FBXO36: variants seen among roughly 807,000 people sequenced by gnomAD.
FBXO36 encodes the protein F-box protein 36, also known as F-box only protein 36.
FBXO36 carries 18 observed loss-of-function variants against 17.0 expected under a neutral mutation model. That is an observed-to-expected ratio of 1.06 (90% CI 0.73 to 1.57). FBXO36 has a LOEUF of 1.57. Among genes scored for constraint, FBXO36 ranks in the 40% most tolerant of loss-of-function variants. The pLI is 0.00. For missense variants in FBXO36, 229 were observed against 221.9 expected, an observed-to-expected ratio of 1.03 and a Z score of -0.20; for synonymous variants, 83 against 85.3, an observed-to-expected ratio of 0.97 and a Z score of 0.15.
chr2:230,000,851 CTTTTTTTTTTT>C (rs71049612), intron 3 of FBXO36, among the ~76,000 whole-genome samples: 1 of 89,488 alleles, frequency 1.1e-5, no homozygotes, highest in Non-Finnish European at 2.3e-5. Context: ...AACCACTTTT[CTTTTTTTTTTT>C]TTTTTTTTTT....
chr2:229,954,991 G>A (rs915986464), intron 1 of FBXO36, among the ~76,000 whole-genome samples: 6 of 151,300 alleles, frequency 4.0e-5, no homozygotes, highest in South Asian at 2.1e-4. Flanking sequence ...CTGGGACTAC[G>A]GACATGCGCC....
In FBXO36 at chr2:229,993,281, A is replaced by G. The variant is rs567062295; in HGVS notation, c.206-3470A>G. Among the ~76,000 whole-genome samples, 48 of 152,198 alleles carry G rather than the reference A, an allele frequency of 3.2e-4. 1 individual carries two copies. The highest frequency in any genetic ancestry group is 6.2e-4 in the Non-Finnish European group (42 of 68,028). On this transcript the variant is annotated intron_variant, in intron 2 of 3. Coordinates refer to ENST00000283946, the MANE Select transcript of FBXO36 (RefSeq NM_174899.5). ...CCTCCCAATCCTAACGAGAGTAACTAAGATCTGAATAGGAAACACTGGTCA... is the reference window on the plus strand; with the variant it reads ...CCTCCCAATCCTAACGAGAGTAACTGAGATCTGAATAGGAAACACTGGTCA...
chr2:229,977,418 A>G (rs548442270), intron 2 of FBXO36, among the ~76,000 whole-genome samples: 1 of 152,244 alleles, frequency 6.6e-6, no homozygotes, highest in East Asian at 1.9e-4. Context: ...AAAAATTCAA[A>G]CATAAAAAGC....
chr2:229,950,355 G>T (rs1424707006), intron 1 of FBXO36, among the ~76,000 whole-genome samples: 1 of 152,062 alleles, frequency 6.6e-6, no homozygotes, highest in Non-Finnish European at 1.5e-5. Flanking sequence ...GAACCCAGGA[G>T]GCAGAGGTTG....
At chr2:229,952,211 T>G (rs1223701910) in intron 1 of FBXO36, among the ~76,000 whole-genome samples, 1 of 152,204 alleles carries the variant, frequency 6.6e-6, no homozygotes, top group Non-Finnish European at 1.5e-5. Flanking sequence ...CCCTTGAATT[T>G]TCTCCTCTTC....
intron 2 of FBXO36, among the ~76,000 whole-genome samples, chr2:229,991,241 T>C (rs981529958): frequency 6.6e-6 from 1 of 152,146 alleles, no homozygotes; most frequent in Non-Finnish European, 1.5e-5. Context: ...TGGCCTAATA[T>C]CTTCTTTGAC....
intron 2 of FBXO36, among the ~76,000 whole-genome samples, chr2:229,987,368 T>C (rs1317319669): frequency 1.3e-5 from 2 of 152,166 alleles, no homozygotes; most frequent in Non-Finnish European, 2.9e-5. Context: ...CTGTAGTGTG[T>C]TCTCTTTTTC....
intron 1 of FBXO36, among the ~76,000 whole-genome samples, chr2:229,948,933 A>G (rs1266941610): frequency 2.6e-5 from 4 of 152,110 alleles, no homozygotes; most frequent in African/African-American, 9.7e-5. Flanking sequence ...TCCCGAGTTC[A>G]ACTGATTATC....
intron 2 of FBXO36, among the ~76,000 whole-genome samples, chr2:229,981,585 C>A (rs1485359501): frequency 6.6e-6 from 1 of 151,374 alleles, no homozygotes; most frequent in Non-Finnish European, 1.5e-5. Flanking sequence ...GCCTGCCTGC[C>A]CAGTTACTCA....
chr2:229,976,570 C>G, intron 2 of FBXO36: 1 of 377,778 alleles, frequency 2.6e-6, no homozygotes, highest in Non-Finnish European at 4.8e-6. Context: ...CCTGTAATCC[C>G]AACACTTTGG....
chr2:229,923,932 G>A (rs2076882303), intron 1 of FBXO36, among the ~76,000 whole-genome samples: 1 of 134,254 alleles, frequency 7.4e-6, no homozygotes, highest in Non-Finnish European at 1.5e-5. Context: ...GGCTCACTGC[G>A]ACCTCGTTTC....
intron 1 of FBXO36, among the ~76,000 whole-genome samples, chr2:229,928,872 C>T (rs952409607): frequency 7.2e-5 from 11 of 152,066 alleles, no homozygotes; most frequent in African/African-American, 2.2e-4. Flanking sequence ...GCAATCCTTG[C>T]GCCTCTGTGT....
intron 3 of FBXO36, among the ~76,000 whole-genome samples, chr2:230,009,240 A>AGGATGGGCAGGGGGAAGCTGG (rs2077402413): frequency 1.3e-5 from 2 of 152,130 alleles, no homozygotes; most frequent in Non-Finnish European, 2.9e-5. Flanking sequence ...GATAGGAGGT[A>AGGATGGGCAGGGGGAAGCTGG]GGATGGGCAG....
chr2:229,949,593 T>G (rs1236019397), intron 1 of FBXO36, among the ~76,000 whole-genome samples: 1 of 151,254 alleles, frequency 6.6e-6, no homozygotes, highest in Non-Finnish European at 1.5e-5. Flanking sequence ...ATATAGATGC[T>G]GAGAAATACT....
At chr2:229,928,985 T>TC (rs397800685) in intron 1 of FBXO36, among the ~76,000 whole-genome samples, 1 of 151,258 alleles carries the variant, frequency 6.6e-6, no homozygotes, top group African/African-American at 2.4e-5. Context: ...TTTTTTTTTT[T>TC]CTTTTCTGAG....
chr2:229,966,071 C>G (rs2077150961), intron 1 of FBXO36, among the ~76,000 whole-genome samples: 1 of 152,194 alleles, frequency 6.6e-6, no homozygotes. Context: ...GATCGCCATT[C>G]TAACTGGTAT....
chr2:229,961,954 G>T (rs963481672), intron 1 of FBXO36, among the ~76,000 whole-genome samples: 1 of 152,088 alleles, frequency 6.6e-6, no homozygotes, highest in Non-Finnish European at 1.5e-5. Flanking sequence ...GCAGAGCTGG[G>T]CCAATCACAT....
chr2:229,981,992 G>A (rs1319908031), intron 2 of FBXO36, among the ~76,000 whole-genome samples: 2 of 151,810 alleles, frequency 1.3e-5, no homozygotes, highest in African/African-American at 2.4e-5. Flanking sequence ...GTGACAGGGT[G>A]AGGTGCCACA....
chr2:230,001,290 T>TC lies in FBXO36; in HGVS notation c.378+4368dup, dbSNP rs538953002. Among the ~76,000 whole-genome samples the TC allele has an allele frequency of 2.6e-5, 4 of 152,082 alleles. No individual in the cohort carries two copies. The South Asian group carries it at 6.2e-4, about 24-fold the overall frequency. On this transcript the variant is annotated intron_variant, in intron 3 of 3. Transcript: ENST00000283946. The stretch of plus-strand genomic sequence containing the variant: ...TATAAGTTATTTTCTTTTTCTTTTT[T>TC]CTTTTTTTTTCTTTTGAGACAGAGT...
Sources: allele counts gnomAD v4.1 joint callset (sites outside exome capture counted in the v4.1 genomes callset), GRCh38; gene constraint gnomAD v4.1.1; transcripts MANE v1.5; gene names NCBI Gene and HGNC (gene_info 2026-07-23, HGNC 2026-07-21).